Variants in RALY observed in about 807,000 individuals in gnomAD.
RALY encodes RALY heterogeneous nuclear ribonucleoprotein.
In RALY, 15 loss-of-function variants were observed where a neutral mutation model predicts 30.7. The observed-to-expected ratio is 0.49, with a 90% CI of 0.33 to 0.75. The LOEUF (loss-of-function observed/expected upper bound fraction) is 0.75, where lower values mean the gene tolerates loss of function less well. Ranked by LOEUF, RALY falls within the 30% of genes least tolerant of loss-of-function variation. The pLI is 0.02. For missense variants in RALY, 339 were observed against 414.3 expected, an observed-to-expected ratio of 0.82 and a Z score of 1.58; for synonymous variants, 177 against 170.8, an observed-to-expected ratio of 1.04 and a Z score of -0.28.
At chr20:34,003,476 T>C (rs2031012726) in intron 1 of RALY, among the ~76,000 whole-genome samples, 1 of 151,872 alleles carries the variant, frequency 6.6e-6, no homozygotes, top group Non-Finnish European at 1.5e-5. Flanking sequence ...GTCTCTGGGA[T>C]TGGGAAAAAG....
chr20:33,998,582 T>G (rs1218668777), intron 1 of RALY, among the ~76,000 whole-genome samples: 1 of 152,022 alleles, frequency 6.6e-6, no homozygotes, highest in Non-Finnish European at 1.5e-5. Context: ...CAGGAGACTT[T>G]CAAGGTAGGC....
chr20:34,012,717 C>G (rs919217244), intron 1 of RALY, among the ~76,000 whole-genome samples: 1 of 152,216 alleles, frequency 6.6e-6, no homozygotes, highest in East Asian at 1.9e-4. Context: ...CCATTCCCAC[C>G]CCAAGTCATA....
intron 2 of RALY, among the ~76,000 whole-genome samples, chr20:34,036,220 A>G (rs990156614): frequency 6.6e-6 from 1 of 152,198 alleles, no homozygotes; most frequent in Admixed American, 6.5e-5. Context: ...AAGAGCAGAC[A>G]GCCTTCCTTA....
intron 1 of RALY, among the ~76,000 whole-genome samples, chr20:34,029,032 G>T (rs952545944): frequency 6.6e-6 from 1 of 152,152 alleles, no homozygotes; most frequent in African/African-American, 2.4e-5. Context: ...ATTGGAATAG[G>T]AGGGGTAGGG....
chr20:34,078,760 G>A (rs1393960697), intron 9 of RALY, among the ~76,000 whole-genome samples: 3 of 152,158 alleles, frequency 2.0e-5, no homozygotes, highest in South Asian at 2.1e-4. Context: ...AGCAGGTGCC[G>A]TAGATGGGCC....
At chr20:34,008,330 A>G (rs2031253584) in intron 1 of RALY, among the ~76,000 whole-genome samples, 1 of 152,194 alleles carries the variant, frequency 6.6e-6, no homozygotes, top group African/African-American at 2.4e-5. Context: ...AGCATGGGGA[A>G]TGCCATCCTG....
intron 1 of RALY, among the ~76,000 whole-genome samples, chr20:34,007,689 G>C (rs1326991911): frequency 6.6e-6 from 1 of 151,640 alleles, no homozygotes; most frequent in Non-Finnish European, 1.5e-5. Flanking sequence ...GCGTGGTGGT[G>C]GGCGCCTATA....
In RALY at chr20:33,994,103, C is replaced by A. The variant is rs1270355487; in HGVS notation, c.-121C>A. 6.6e-6 allele frequency: 1 copy of A among 152,440 alleles called. No homozygotes were observed. The highest frequency in any genetic ancestry group is 2.4e-5 in the African/African-American group (1 of 41,470). 9.4% of individuals were successfully genotyped at this position (152,440 alleles called of 1,614,324 possible). A position where few individuals can be genotyped will look rare whatever the true frequency, so the allele number is the denominator to read the frequency against. Reference sequence around the variant, plus strand: ...GGCAGTACCGCCTCCTTCCCAGCCGCGCGGCTTCCTCCAGACCTCTCGGCG... The same window carrying A: ...GGCAGTACCGCCTCCTTCCCAGCCGAGCGGCTTCCTCCAGACCTCTCGGCG... On this transcript the variant is annotated 5_prime_UTR_variant, in exon 1 of 10. Coordinates refer to ENST00000246194, the MANE Select transcript of RALY (RefSeq NM_016732.3).
chr20:34,059,125 G>A (rs1019563472), intron 2 of RALY, among the ~76,000 whole-genome samples: 40 of 152,282 alleles, frequency 2.6e-4, no homozygotes, highest in African/African-American at 7.0e-4. Context: ...GAGGTCACCC[G>A]TTCCTTCCTT....
chr20:34,010,322 G>A (rs780880300), intron 1 of RALY, among the ~76,000 whole-genome samples: 2 of 152,070 alleles, frequency 1.3e-5, no homozygotes, highest in Non-Finnish European at 2.9e-5. Context: ...TCTACCTCCC[G>A]GGCTCAGGTG....
chr20:34,021,381 A>G (rs1312310565), intron 1 of RALY, among the ~76,000 whole-genome samples: 1 of 152,220 alleles, frequency 6.6e-6, no homozygotes, highest in African/African-American at 2.4e-5. Flanking sequence ...GTCCAAGATC[A>G]AGGGGCCGCC....
At chr20:34,041,289 C>T (rs1046917020) in intron 2 of RALY, among the ~76,000 whole-genome samples, 2 of 152,168 alleles carry the variant, frequency 1.3e-5, no homozygotes, top group East Asian at 1.9e-4. Flanking sequence ...TGGAGACATG[C>T]ACACACAAAA....
intron 2 of RALY, among the ~76,000 whole-genome samples, chr20:34,063,191 T>G (rs1199065213): frequency 6.6e-6 from 1 of 152,238 alleles, no homozygotes; most frequent in Non-Finnish European, 1.5e-5. Context: ...GAAGGCTTAG[T>G]GCAGTTCCTG....
intron 8 of RALY, chr20:34,077,645 A>C: frequency 3.2e-6 from 1 of 309,812 alleles, no homozygotes; most frequent in Non-Finnish European, 6.2e-6. Flanking sequence ...CATGAAGCAA[A>C]AGCTGTCTCA....
At chr20:34,021,089 G>A (rs1393121775) in intron 1 of RALY, among the ~76,000 whole-genome samples, 1 of 152,104 alleles carries the variant, frequency 6.6e-6, no homozygotes, top group African/African-American at 2.4e-5. Context: ...AGCTTCCCAA[G>A]TAGCTGGGAT....
At chr20:34,005,965 C>G (rs1021167250) in intron 1 of RALY, among the ~76,000 whole-genome samples, 1 of 152,166 alleles carries the variant, frequency 6.6e-6, no homozygotes, top group African/African-American at 2.4e-5. Context: ...ATTTCATTGT[C>G]TGGATGTGCC....
At chr20:34,040,481 T>C (rs2032659742) in intron 2 of RALY, among the ~76,000 whole-genome samples, 2 of 152,196 alleles carry the variant, frequency 1.3e-5, no homozygotes, top group African/African-American at 4.8e-5. Context: ...CAGATGCTCT[T>C]AGAATAGCAC....
intron 1 of RALY, among the ~76,000 whole-genome samples, chr20:34,001,952 A>G (rs1055441013): frequency 6.6e-6 from 1 of 152,084 alleles, no homozygotes; most frequent in African/African-American, 2.4e-5. Context: ...TATTTTTAGT[A>G]GAGACGGGGT....
At chr20:34,020,138 G>A (rs972313728) in intron 1 of RALY, among the ~76,000 whole-genome samples, 3 of 152,204 alleles carry the variant, frequency 2.0e-5, no homozygotes, top group African/African-American at 7.2e-5. Flanking sequence ...CACAGTTCCT[G>A]TTTTTCAAGA....
Sources: gnomAD v4.1 joint callset for allele counts (sites outside exome capture counted in the v4.1 genomes callset) on GRCh38, gnomAD v4.1.1 for gene constraint, MANE v1.5 for transcripts, NCBI Gene and HGNC (gene_info 2026-07-23, HGNC 2026-07-21) for gene names.